EML1: variants seen among roughly 807,000 people sequenced by gnomAD.
EML1 encodes echinoderm microtubule-associated protein-like 1.
In EML1, 27 loss-of-function variants were observed where a neutral mutation model predicts 110.4. The ratio of observed to expected loss-of-function variants is 0.24; its 90% CI spans 0.18 to 0.34. EML1 has a LOEUF of 0.34. EML1 is among the 10% of genes least tolerant of loss of function. EML1 has a pLI of 1.00. For synonymous variants in EML1, 344 were observed against 385.8 expected (o/e 0.89, Z 1.27); for missense variants, 741 against 1,030.9 (o/e 0.72, Z 3.85).
chr14:99,791,429 C>G (rs572217277), upstream of EML1, among the ~76,000 whole-genome samples: 3 of 152,214 alleles, frequency 2.0e-5, no homozygotes, highest in Non-Finnish European at 4.4e-5. Context: ...GTCCTTCTCT[C>G]TCCTTTGTCA....
upstream of EML1, among the ~76,000 whole-genome samples, chr14:99,768,861 G>A (rs944773953): frequency 3.3e-5 from 5 of 152,030 alleles, no homozygotes; most frequent in African/African-American, 9.7e-5. Flanking sequence ...GGGATTACAG[G>A]CACCCGCCAC....
At chr14:99,938,048 C>T (rs1057355256) in intron 20 of EML1, 136 bp downstream of exon 20, 42 of 801,724 alleles carry the variant, frequency 5.2e-5, no homozygotes, top group Non-Finnish European at 7.8e-5. Context: ...ATGAGACACA[C>T]CTCCTGCCGC....
chr14:99,923,603 G>A (rs11628630), intron 17 of EML1, among the ~76,000 whole-genome samples: 33,871 of 148,076 alleles, frequency 0.23, 5,425 homozygotes, highest in Non-Finnish European at 0.32. Context: ...CAATCGATCA[G>A]AAATGTAAAG....
At chr14:99,899,467 C>G (rs1234692990) in intron 8 of EML1, 2 of 152,202 alleles carry the variant, frequency 1.3e-5, no homozygotes, top group African/African-American at 4.8e-5. Flanking sequence ...CAGGCACACG[C>G]CACCTCGCCC....
chr14:99,741,889 AAC>A (rs2057046860), intron 1 of EML1, among the ~76,000 whole-genome samples: 1 of 152,046 alleles, frequency 6.6e-6, no homozygotes, highest in African/African-American at 2.4e-5. Context: ...GGGATATGGG[AAC>A]ACCTCTGAGA....
At chr14:99,891,710 A>G (rs898238401) in intron 5 of EML1, among the ~76,000 whole-genome samples, 1 of 152,188 alleles carries the variant, frequency 6.6e-6, no homozygotes, top group Non-Finnish European at 1.5e-5. Flanking sequence ...ATCTTTCCAT[A>G]TATCTTTTTT....
chr14:99,854,633 T>G (rs187403184), intron 2 of EML1, among the ~76,000 whole-genome samples: 31 of 152,316 alleles, frequency 2.0e-4, no homozygotes, highest in Non-Finnish European at 4.0e-4. Context: ...CCTTTGATAT[T>G]TTTTAAAATA....
intron 3 of EML1, among the ~76,000 whole-genome samples, chr14:99,867,240 T>A (rs1399115540): frequency 6.6e-6 from 1 of 152,212 alleles, no homozygotes; most frequent in Non-Finnish European, 1.5e-5. Context: ...CTTTTTAGTA[T>A]GTTTTAAAAT....
intron 1 of EML1, among the ~76,000 whole-genome samples, chr14:99,811,537 T>C (rs1006156675): frequency 1.4e-4 from 21 of 151,100 alleles, no homozygotes; most frequent in African/African-American, 4.9e-4. Flanking sequence ...GTTGGGTGGC[T>C]CATGCCTGTA....
At chr14:99,741,090 A>T (rs1184309406) in intron 1 of EML1, among the ~76,000 whole-genome samples, 13 of 152,196 alleles carry the variant, frequency 8.5e-5, no homozygotes. Context: ...CCAGGGTTCA[A>T]ATCCCAGCTC....
intron 1 of EML1, among the ~76,000 whole-genome samples, chr14:99,749,744 C>T (rs1049654774): frequency 6.6e-6 from 1 of 152,236 alleles, no homozygotes; most frequent in Non-Finnish European, 1.5e-5. Flanking sequence ...GTGATTTCTG[C>T]TGGAGCTCTG....
intron 17 of EML1, among the ~76,000 whole-genome samples, chr14:99,935,827 T>A (rs981872026): frequency 2.0e-5 from 3 of 151,942 alleles, no homozygotes; most frequent in Non-Finnish European, 4.4e-5. Flanking sequence ...TACCAGGTTT[T>A]ATCATCTGGC....
intron 1 of EML1, among the ~76,000 whole-genome samples, chr14:99,834,865 G>A (rs1187492453): frequency 6.6e-6 from 1 of 152,146 alleles, no homozygotes; most frequent in Non-Finnish European, 1.5e-5. Context: ...TGTCGCCTAG[G>A]CTGGAGTGCA....
intron 17 of EML1, among the ~76,000 whole-genome samples, chr14:99,923,999 G>A (rs2060187366): frequency 6.6e-6 from 1 of 152,140 alleles, no homozygotes; most frequent in African/African-American, 2.4e-5. Context: ...GATTGTAAGA[G>A]GGATTATGTT....
intron 4 of EML1, among the ~76,000 whole-genome samples, chr14:99,881,045 A>C (rs1444126281): frequency 1.3e-5 from 2 of 152,168 alleles, no homozygotes; most frequent in Non-Finnish European, 2.9e-5. Context: ...TAGTTGGGGG[A>C]AATAAAGTAT....
At chr14:99,876,459 G>A (rs541288486) in intron 3 of EML1, among the ~76,000 whole-genome samples, 6 of 152,148 alleles carry the variant, frequency 3.9e-5, no homozygotes, top group Non-Finnish European at 7.4e-5. Flanking sequence ...TAGCCTTTGC[G>A]CACCACTCCT....
Position 99,739,091 on chromosome 14 carries a change from T to TGAGAGAGA in EML1, c.28+1236_28+1243dup, listed in dbSNP as rs1555385397. ...GTGTGTGTGTGTGTGTGTGTGTGTG[T>TGAGAGAGA]GAGAGAGAGAGACAGAGAGAGAGAG... On this transcript the variant is annotated intron_variant, in intron 1 of 10. Coordinates refer to the EML1 transcript ENST00000554479. 2.9e-5 allele frequency among the ~76,000 whole-genome samples: 4 copies of TGAGAGAGA among 136,400 alleles called. 1 individual carries two copies. Among genetic ancestry groups the TGAGAGAGA allele is most frequent in the African/African-American group, 1.1e-4 (4 of 35,048 alleles). The allele number at this position is 136,400 out of a possible 152,430, so 89.5% of individuals were successfully genotyped here.
chr14:99,764,599 T>C (rs2057348891), intron 1 of EML1, among the ~76,000 whole-genome samples: 1 of 152,192 alleles, frequency 6.6e-6, no homozygotes, highest in East Asian at 1.9e-4. Flanking sequence ...GGCGAACAGA[T>C]GAAGGCCAAG....
chr14:99,770,867 C>T (rs1306432966), upstream of EML1, among the ~76,000 whole-genome samples: 7 of 139,812 alleles, frequency 5.0e-5, no homozygotes, highest in East Asian at 1.6e-3. Context: ...TCAGTGCAAG[C>T]TCCGCCTCCC....
Sources: allele counts gnomAD v4.1 joint callset (sites outside exome capture counted in the v4.1 genomes callset), GRCh38; gene constraint gnomAD v4.1.1; transcripts MANE v1.5; gene names NCBI Gene and HGNC (gene_info 2026-07-23, HGNC 2026-07-21).